HAAO: variants seen among roughly 807,000 people sequenced by gnomAD.
HAAO encodes 3-hydroxyanthranilate oxygenase.
In HAAO, 49 loss-of-function variants were observed where a neutral mutation model predicts 46.2. That is an observed-to-expected ratio of 1.06 (90% CI 0.84 to 1.34). The LOEUF (loss-of-function observed/expected upper bound fraction) is 1.34, where lower values mean the gene tolerates loss of function less well. HAAO is among the 40% of genes most tolerant of loss of function. HAAO has a pLI of 0.00. For synonymous variants in HAAO, 157 were observed against 145.2 expected, an observed-to-expected ratio of 1.08 and a Z score of -0.58; for missense variants, 408 against 364.5, an observed-to-expected ratio of 1.12 and a Z score of -0.97.
At chr2:42,789,971 G>C (rs1672665754) in intron 1 of HAAO, among the ~76,000 whole-genome samples, 1 of 152,200 alleles carries the variant, frequency 6.6e-6, no homozygotes, top group Non-Finnish European at 1.5e-5. Flanking sequence ...TTTCCTCTGG[G>C]AAGGGGAGGC....
chr2:42,783,294 G>C lies in HAAO; in HGVS notation c.350+20C>G. 1 of 1,454,864 alleles carries C rather than the reference G, an allele frequency of 6.9e-7. No individual in the cohort carries two copies. Among genetic ancestry groups the C allele is most frequent in the Non-Finnish European group, 9.6e-7 (1 of 1,039,720 alleles). 90.1% of individuals were successfully genotyped at this position (1,454,864 alleles called of 1,614,324 possible). On this transcript the variant is annotated intron_variant, in intron 4 of 9. Transcript: ENST00000294973. ...TGCTGTTTGCCCTTTCTCTGCCCCA[G>C]CCCTCCAGACAGAATTTACCTGAGC... is the stretch of plus-strand genomic sequence containing the variant.
chr2:42,769,668 G>A (rs1416521928), intron 7 of HAAO, 45 bp downstream of exon 7: 2 of 1,552,236 alleles, frequency 1.3e-6, no homozygotes, highest in Admixed American at 3.8e-5. Flanking sequence ...CCATTTTCCA[G>A]GGCTGCTGTG....
intron 4 of HAAO, among the ~76,000 whole-genome samples, chr2:42,776,440 G>A (rs1257189622): frequency 2.6e-5 from 4 of 151,612 alleles, no homozygotes; most frequent in South Asian, 4.2e-4. Flanking sequence ...GTTTCTCCAC[G>A]TTGGTCACGC....
In HAAO at chr2:42,770,186, C is replaced by A. The variant is rs748957756; in HGVS notation, c.441G>T (p.Glu147Asp). 9.6e-5 allele frequency: 154 copies of A among 1,597,470 alleles called. No homozygotes were observed. The highest frequency in any genetic ancestry group is 1.3e-4 in the Non-Finnish European group (149 of 1,170,820). The change falls in exon 6 of 10, where the codon GAG becomes GAT. Residue 147 changes from glutamate to aspartate, a missense_variant and splice_region_variant. Glu to Asp is a conservative substitution (Grantham distance 45, BLOSUM62 2). Coordinates refer to ENST00000294973, the MANE Select transcript of HAAO (RefSeq NM_012205.3). ...TTCTGTACTGCTCAGAGCTGAAGAACCTGCAAGGACGAACAGGGAGGAGCA... is the reference window on the plus strand; with the variant it reads ...TTCTGTACTGCTCAGAGCTGAAGAAACTGCAAGGACGAACAGGGAGGAGCA... ...LGTQLAPIIQ[E>D]FFSSEQYRTG... is the part of the protein sequence containing the mutation.
rs1670738401 is a variant in HAAO, at chr2:42,767,353, TG to T, written c.*83del. ...ACAGCGGCAGTACACAGAGAGGTAG[TG>T]GGGGCTGGGAGAGTTGTTTGGCAGG... On this transcript the variant is annotated 3_prime_UTR_variant, in exon 10 of 10. Coordinates refer to ENST00000294973, the MANE Select transcript of HAAO (RefSeq NM_012205.3). The T allele has an allele frequency of 3.4e-6, 3 of 892,870 alleles. No homozygotes were observed. Among genetic ancestry groups the T allele is most frequent in the African/African-American group, 3.3e-5 (2 of 61,344 alleles). 55.3% of individuals were successfully genotyped at this position (892,870 alleles called of 1,614,324 possible). A position where few individuals can be genotyped will look rare whatever the true frequency, so the allele number is the denominator to read the frequency against.
chr2:42,768,337 C>G (rs533270200), intron 7 of HAAO, among the ~76,000 whole-genome samples: 2 of 152,310 alleles, frequency 1.3e-5, no homozygotes, highest in Non-Finnish European at 2.9e-5. Flanking sequence ...AGGCTGAGGG[C>G]TCTCTGACAT....
At chr2:42,772,933 CAAAAA>C (rs530541628) in intron 4 of HAAO, among the ~76,000 whole-genome samples, 4 of 92,480 alleles carry the variant, frequency 4.3e-5, no homozygotes, top group Non-Finnish European at 9.2e-5. Context: ...GCCCCCATAT[CAAAAA>C]AAAAAAAAAA....
At chr2:42,784,536 GC>G (rs1672252068) in intron 2 of HAAO, among the ~76,000 whole-genome samples, 5 of 71,030 alleles carry the variant, frequency 7.0e-5, no homozygotes, top group Admixed American at 1.3e-4. Flanking sequence ...GGTGGGGGGG[GC>G]GGGGGGGGGG....
Position 42,767,186 on chromosome 2 carries a change from G to A in HAAO, c.*251C>T, listed in dbSNP as rs1465857400. The A allele has an allele frequency of 6.8e-6, 4 of 591,538 alleles. No individual in the cohort carries two copies. The highest frequency in any genetic ancestry group is 9.1e-6 in the Non-Finnish European group (3 of 329,776). The allele number at this position is 591,538 out of a possible 1,614,324, so 36.6% of individuals were successfully genotyped here. On this transcript the variant is annotated 3_prime_UTR_variant, in exon 10 of 10. Transcript: ENST00000294973. ...GGAATGGGCAGGAGCGGGGCCGGGG[G>A]TAGACCACCTGGCAAGACTGGCAAG...
Position 42,767,094 on chromosome 2 carries a change from T to C in HAAO, c.*343A>G, listed in dbSNP as rs970715298. The C allele has an allele frequency of 4.9e-6, 2 of 409,030 alleles. No individual in the cohort carries two copies. The highest frequency in any genetic ancestry group is 7.2e-5 in the Admixed American group (2 of 27,858). 25.3% of individuals were successfully genotyped at this position (409,030 alleles called of 1,614,324 possible). On this transcript the variant is annotated 3_prime_UTR_variant, in exon 10 of 10. Transcript: ENST00000294973. ...CTGCGGCAGACCCCCAGGTGTGCGT[T>C]CCTCAGGAAGCCTTTATTGAGGGCC...
intron 1 of HAAO, chr2:42,788,860 A>G (rs1672584191): frequency 4.2e-6 from 2 of 475,032 alleles, no homozygotes; most frequent in South Asian, 2.5e-5. Flanking sequence ...GTCTGACCCA[A>G]CAAGGGAAAT....
intron 3 of HAAO, 74 bp downstream of exon 3, chr2:42,783,710 C>A: frequency 7.7e-7 from 1 of 1,304,572 alleles, no homozygotes. Flanking sequence ...CAGCCAGGGC[C>A]AGGATGAGTG....
chr2:42,772,933 C>CAAAA (rs530541628), intron 4 of HAAO, among the ~76,000 whole-genome samples: 2 of 92,474 alleles, frequency 2.2e-5, no homozygotes, highest in African/African-American at 3.8e-5. Context: ...GCCCCCATAT[C>CAAAA]AAAAAAAAAA....
Position 42,771,105 on chromosome 2 carries a change from A to G in HAAO, c.351-523T>C, listed in dbSNP as rs559311513. 1.6e-4 allele frequency among the ~76,000 whole-genome samples: 25 copies of G among 152,276 alleles called. No homozygotes were observed. In the South Asian group the frequency reaches 5.0e-3, roughly 30 times the overall value. On this transcript the variant is annotated intron_variant, in intron 4 of 9. Transcript: ENST00000294973. ...TTAAGAAACCAACATGGCCGGGCGC[A>G]GTGGCTCACGCCTGTAATCCCAGCA...
At chr2:42,778,072 A>G (rs1573926254) in intron 4 of HAAO, among the ~76,000 whole-genome samples, 1 of 152,360 alleles carries the variant, frequency 6.6e-6, no homozygotes, top group East Asian at 1.9e-4. Context: ...GACAAACCAG[A>G]AAGTCTAAGC....
chr2:42,789,601 A>T (rs530614635), intron 1 of HAAO, among the ~76,000 whole-genome samples: 1 of 151,416 alleles, frequency 6.6e-6, no homozygotes, highest in South Asian at 2.1e-4. Context: ...ACTCAATACA[A>T]CCCTCTCATT....
At chr2:42,777,752 A>G (rs1240485174) in intron 4 of HAAO, among the ~76,000 whole-genome samples, 1 of 152,182 alleles carries the variant, frequency 6.6e-6, no homozygotes, top group African/African-American at 2.4e-5. Flanking sequence ...TAAATAATAG[A>G]TATTTCATTA....
intron 8 of HAAO, 65 bp downstream of exon 8, chr2:42,767,795 G>A (rs1184516724): frequency 1.0e-5 from 16 of 1,573,034 alleles, no homozygotes; most frequent in Admixed American, 3.3e-5. Flanking sequence ...GGAGCCCAGG[G>A]CCGAGGAGCG....
intron 4 of HAAO, among the ~76,000 whole-genome samples, chr2:42,771,589 A>G (rs1391832691): frequency 6.6e-6 from 1 of 152,182 alleles, no homozygotes; most frequent in Non-Finnish European, 1.5e-5. Context: ...ACATGTACAT[A>G]TAGCCTTCAG....
Sources: allele counts gnomAD v4.1 joint callset (sites outside exome capture counted in the v4.1 genomes callset), GRCh38; gene constraint gnomAD v4.1.1; transcripts MANE v1.5; gene names NCBI Gene and HGNC (gene_info 2026-07-23, HGNC 2026-07-21).